LINGO2: variants seen among roughly 807,000 people sequenced by gnomAD.
LINGO2 encodes the protein leucine-rich repeat and immunoglobulin-like domain-containing nogo receptor-interacting protein 2.
In LINGO2, 14 loss-of-function variants were observed where a neutral mutation model predicts 30.6. That is an observed-to-expected ratio of 0.46 (90% confidence interval 0.30 to 0.72). The LOEUF is 0.72. Among genes scored for constraint, LINGO2 ranks in the 30% least tolerant of loss-of-function variants. LINGO2 has a pLI of 0.07. For synonymous variants in LINGO2, 317 were observed against 288.5 expected, an observed-to-expected ratio of 1.10 and a Z score of -1.00; for missense variants, 729 against 751.7, an observed-to-expected ratio of 0.97 and a Z score of 0.35.
At chr9:28,290,698 G>T (rs550461946) in intron 4 of LINGO2, among the ~76,000 whole-genome samples, 2 of 152,252 alleles carry the variant, frequency 1.3e-5, no homozygotes, top group African/African-American at 4.8e-5. Flanking sequence ...GGAGTGAAGG[G>T]CCTGGCATCT....
chr9:28,981,936 TC>T, the LINGO2 span, among the ~76,000 whole-genome samples: 1 of 152,078 alleles, frequency 6.6e-6, no homozygotes, highest in Admixed American at 6.6e-5. Context: ...GATTCTGCCT[TC>T]CTCAAGATCA....
chr9:27,966,490 T>G (rs1820107240), intron 5 of LINGO2, among the ~76,000 whole-genome samples: 1 of 152,120 alleles, frequency 6.6e-6, no homozygotes, highest in Admixed American at 6.6e-5. Context: ...AAACACCGCT[T>G]GTTCTCACTC....
chr9:28,742,410 G>A, the LINGO2 span, among the ~76,000 whole-genome samples: 1 of 151,214 alleles, frequency 6.6e-6, no homozygotes, highest in Non-Finnish European at 1.5e-5. Flanking sequence ...GCAAAGTCCT[G>A]TTCTGCCATC....
chr9:29,174,301 T>C, the LINGO2 span, among the ~76,000 whole-genome samples: 1 of 152,188 alleles, frequency 6.6e-6, no homozygotes, highest in African/African-American at 2.4e-5. Context: ...AAGGCACAGA[T>C]GATAAATAAG....
At chr9:29,021,715 AGG>A in the LINGO2 span, among the ~76,000 whole-genome samples, 1 of 150,718 alleles carries the variant, frequency 6.6e-6, no homozygotes, top group African/African-American at 2.4e-5. Context: ...GAAGGAAGGA[AGG>A]AAGGAAGGAA....
At chr9:27,991,788 G>C (rs1403491838) in intron 5 of LINGO2, among the ~76,000 whole-genome samples, 1 of 152,060 alleles carries the variant, frequency 6.6e-6, no homozygotes, top group African/African-American at 2.4e-5. Context: ...TATGTCAGAG[G>C]AAGTCCTGGT....
chr9:28,720,632 T>C, the LINGO2 span, among the ~76,000 whole-genome samples: 1 of 152,080 alleles, frequency 6.6e-6, no homozygotes, highest in East Asian at 1.9e-4. Flanking sequence ...GAAGTAAGAA[T>C]ATTATTTGAC....
chr9:29,060,016 A>G, the LINGO2 span, among the ~76,000 whole-genome samples: 1 of 152,130 alleles, frequency 6.6e-6, no homozygotes, highest in African/African-American at 2.4e-5. Flanking sequence ...CAACTTCTAG[A>G]AAACTGAAAA....
chr9:28,902,965 A>C, the LINGO2 span, among the ~76,000 whole-genome samples: 1 of 151,864 alleles, frequency 6.6e-6, no homozygotes, highest in Non-Finnish European at 1.5e-5. Context: ...TATACCAAGG[A>C]ACTTGAAAAA....
chr9:28,598,314 A>G (rs1295532871), intron 1 of LINGO2, among the ~76,000 whole-genome samples: 1 of 151,880 alleles, frequency 6.6e-6, no homozygotes, highest in Non-Finnish European at 1.5e-5. Flanking sequence ...GAACTAAAAT[A>G]TCCTCCCAGT....
At chr9:28,056,452 G>A (rs780460787) in intron 4 of LINGO2, among the ~76,000 whole-genome samples, 1 of 152,016 alleles carries the variant, frequency 6.6e-6, no homozygotes, top group Non-Finnish European at 1.5e-5. Context: ...CTTTCCATGG[G>A]AAAACTAGTT....
the LINGO2 span, among the ~76,000 whole-genome samples, chr9:28,809,552 T>G: frequency 1.3e-5 from 2 of 152,098 alleles, no homozygotes; most frequent in Non-Finnish European, 2.9e-5. Context: ...GGGACCAGCC[T>G]GGCCAACACA....
the LINGO2 span, among the ~76,000 whole-genome samples, chr9:29,168,664 A>C: frequency 6.6e-6 from 1 of 152,220 alleles, no homozygotes. Context: ...CTTGTGACTT[A>C]GGGAAGTTAA....
intron 5 of LINGO2, among the ~76,000 whole-genome samples, chr9:27,981,035 A>G (rs767258986): frequency 8.6e-5 from 13 of 151,844 alleles, no homozygotes; most frequent in Non-Finnish European, 1.5e-4. Context: ...AATAACCCTG[A>G]TGGATTTTCC....
At chr9:28,362,247 TGCAC>T (rs1820479658) in intron 3 of LINGO2, among the ~76,000 whole-genome samples, 1 of 152,162 alleles carries the variant, frequency 6.6e-6, no homozygotes, top group Admixed American at 6.5e-5. Context: ...CGCATGTGTG[TGCAC>T]GTGTGTGTGT....
chr9:28,232,561 A>G (rs78028741), intron 4 of LINGO2, among the ~76,000 whole-genome samples: 5,239 of 152,200 alleles, frequency 0.034, 317 homozygotes, highest in African/African-American at 0.12. Flanking sequence ...TGCTTAAGTC[A>G]AGCTAATTAA....
chr9:28,341,658 T>C (rs191724141), intron 3 of LINGO2, among the ~76,000 whole-genome samples: 2 of 152,304 alleles, frequency 1.3e-5, no homozygotes, highest in Non-Finnish European at 1.5e-5. Flanking sequence ...TATGAAACTT[T>C]ACCTATTACA....
At chr9:28,609,213 T>A (rs1825812201) in intron 1 of LINGO2, among the ~76,000 whole-genome samples, 1 of 151,764 alleles carries the variant, frequency 6.6e-6, no homozygotes, top group African/African-American at 2.4e-5. Flanking sequence ...AAACAATGTT[T>A]ATTTTAGAAT....
At chr9:28,077,861 C>A (rs1825670471) in intron 4 of LINGO2, among the ~76,000 whole-genome samples, 1 of 148,896 alleles carries the variant, frequency 6.7e-6, no homozygotes. Context: ...TAACCTCATG[C>A]TCAATTTTCA....
Sources: gnomAD v4.1 joint callset for allele counts (sites outside exome capture counted in the v4.1 genomes callset) on GRCh38, gnomAD v4.1.1 for gene constraint, MANE v1.5 for transcripts, NCBI Gene and HGNC (gene_info 2026-07-23, HGNC 2026-07-21) for gene names.